CDK15: variants seen among roughly 807,000 people sequenced by gnomAD.
CDK15 encodes cyclin-dependent kinase 15.
In CDK15, 62 loss-of-function variants were observed where a neutral mutation model predicts 60.3. The observed-to-expected ratio is 1.03, with a 90% CI of 0.84 to 1.27. The LOEUF (loss-of-function observed/expected upper bound fraction) is 1.27. Among genes scored for constraint, CDK15 ranks in the 50% most tolerant of loss-of-function variants. The pLI, the probability that CDK15 is intolerant of heterozygous loss-of-function variation, is 0.00. For missense variants in CDK15, 541 were observed against 527.8 expected, an observed-to-expected ratio of 1.03 and a Z score of -0.25; for synonymous variants, 194 against 195.7, an observed-to-expected ratio of 0.99 and a Z score of 0.07.
intron 11 of CDK15, among the ~76,000 whole-genome samples, chr2:201,878,488 T>C (rs79523653): frequency 0.035 from 5,268 of 152,254 alleles, 136 homozygotes; most frequent in Non-Finnish European, 0.052. Flanking sequence ...CCTCAAGAAA[T>C]CCTTTCCTGA....
At chr2:201,810,051 C>G (rs902224516) in intron 3 of CDK15, among the ~76,000 whole-genome samples, 1 of 119,694 alleles carries the variant, frequency 8.4e-6, no homozygotes, top group East Asian at 2.4e-4. Flanking sequence ...GACACTGTCT[C>G]AAAAAAAAAA....
chr2:201,873,864 C>T (rs1314450718), intron 11 of CDK15, among the ~76,000 whole-genome samples: 2 of 152,132 alleles, frequency 1.3e-5, no homozygotes, highest in Non-Finnish European at 2.9e-5. Context: ...ACCAGCCTGG[C>T]CAACATGGCA....
chr2:201,878,925 T>G (rs548424496), intron 11 of CDK15, among the ~76,000 whole-genome samples: 97 of 152,326 alleles, frequency 6.4e-4, no homozygotes, highest in Non-Finnish European at 1.1e-3. Context: ...AATTTGAATT[T>G]TGGAGAGATA....
intron 8 of CDK15, among the ~76,000 whole-genome samples, chr2:201,839,994 GT>G (rs916019815): frequency 8.1e-5 from 11 of 136,544 alleles, no homozygotes; most frequent in African/African-American, 2.7e-4. Context: ...TTTTGTTTTT[GT>G]TTTTTTTGAG....
intron 9 of CDK15, among the ~76,000 whole-genome samples, chr2:201,851,291 CAAAA>C (rs1176883047): frequency 7.2e-5 from 2 of 27,752 alleles, no homozygotes; most frequent in African/African-American, 1.8e-4. Context: ...GACTTCATCT[CAAAA>C]AAAAAAAAAA....
At chr2:201,836,249 G>C (rs1276325927) in intron 8 of CDK15, among the ~76,000 whole-genome samples, 1 of 134,622 alleles carries the variant, frequency 7.4e-6, no homozygotes, top group Non-Finnish European at 1.5e-5. Context: ...TATTGCCCAG[G>C]CTGGAGTGCA....
At chr2:201,893,183 A>T (rs1489654018) in intron 13 of CDK15, 118 bp from the exon 14 acceptor site, 2 of 152,224 alleles carry the variant, frequency 1.3e-5, no homozygotes, top group East Asian at 3.8e-4. Context: ...TTTTATCATT[A>T]CCTTTTCTAT....
chr2:201,861,297 G>T, intron 10 of CDK15: 2 of 992,678 alleles, frequency 2.0e-6, no homozygotes, highest in Non-Finnish European at 2.4e-6. Context: ...GATCGATGCT[G>T]GGTGGAGTAG....
At chr2:201,847,251 G>A (rs1697710460) in intron 8 of CDK15, 130 bp from the exon 9 acceptor site, 1 of 837,404 alleles carries the variant, frequency 1.2e-6, no homozygotes, top group Non-Finnish European at 1.8e-6. Context: ...TTTGGCCCAA[G>A]ACTTTTAATA....
chr2:201,820,747 T>C (rs1338798965), intron 4 of CDK15, among the ~76,000 whole-genome samples: 2 of 152,192 alleles, frequency 1.3e-5, no homozygotes, highest in East Asian at 3.9e-4. Flanking sequence ...TCAATTCCCA[T>C]GTGGCCTTCA....
Position 201,812,197 on chromosome 2 carries a change from A to C in CDK15, c.369-286A>C, listed in dbSNP as rs112522409. Among the ~76,000 whole-genome samples, 1,165 of 150,830 alleles carry C rather than the reference A, an allele frequency of 7.7e-3. 10 individuals carry two copies. The highest frequency in any genetic ancestry group is 0.01 in the Middle Eastern group (3 of 288). ...TCAAAAAAAAAAAAAAAAAACAAAAAAACAAAAAAACACTACAATAAGTCA... is the reference window on the plus strand; with the variant it reads ...TCAAAAAAAAAAAAAAAAAACAAAACAACAAAAAAACACTACAATAAGTCA... On this transcript the variant is annotated intron_variant, in intron 3 of 13. Coordinates refer to ENST00000652192, the MANE Select transcript of CDK15 (RefSeq NM_001366386.2).
At chr2:201,834,654 T>A (rs777186975) in intron 7 of CDK15, among the ~76,000 whole-genome samples, 4 of 152,198 alleles carry the variant, frequency 2.6e-5, no homozygotes, top group South Asian at 2.1e-4. Context: ...GAGGGCAGCC[T>A]GGGTTTGTTT....
At chr2:201,869,924 T>C (rs1698791652) in intron 10 of CDK15, among the ~76,000 whole-genome samples, 1 of 152,258 alleles carries the variant, frequency 6.6e-6, no homozygotes, top group African/African-American at 2.4e-5. Flanking sequence ...AAATGCCAGA[T>C]ATTCTTATCT....
In CDK15 at chr2:201,895,344, G is replaced by C. The variant is rs139880722; in HGVS notation, c.*2077G>C. Reference sequence around the variant, plus strand: ...GTTATTAAAAAATTGATTTTATTAAGTGGAAGTTGACAGAATTATCCTCTT... The same window carrying C: ...GTTATTAAAAAATTGATTTTATTAACTGGAAGTTGACAGAATTATCCTCTT... On this transcript the variant is annotated 3_prime_UTR_variant, in exon 14 of 14. Transcript: ENST00000652192. 1 of 152,210 alleles carries C rather than the reference G, an allele frequency of 6.6e-6. No individual in the cohort carries two copies. The highest frequency in any genetic ancestry group is 1.5e-5 in the Non-Finnish European group (1 of 68,036). 9.4% of individuals were successfully genotyped at this position (152,210 alleles called of 1,614,324 possible).
chr2:201,820,634 T>G (rs1427622865), intron 4 of CDK15, among the ~76,000 whole-genome samples: 1 of 152,164 alleles, frequency 6.6e-6, no homozygotes, highest in African/African-American at 2.4e-5. Context: ...CAGTTCTCCT[T>G]AAGACTTTCA....
intron 10 of CDK15, among the ~76,000 whole-genome samples, chr2:201,868,602 TA>T (rs1209358613): frequency 2.0e-5 from 3 of 151,664 alleles, no homozygotes; most frequent in Admixed American, 1.3e-4. Context: ...GGGTTGCCCC[TA>T]CAGAATGCGA....
intron 6 of CDK15, among the ~76,000 whole-genome samples, chr2:201,828,489 G>A (rs1484105856): frequency 6.6e-6 from 1 of 152,180 alleles, no homozygotes; most frequent in Non-Finnish European, 1.5e-5. Context: ...AGAATTTCAA[G>A]AAGGAGGGTA....
At chr2:201,872,461 C>T (rs1698886283) in intron 11 of CDK15, 135 bp downstream of exon 11, 1 of 875,802 alleles carries the variant, frequency 1.1e-6, no homozygotes, top group African/African-American at 1.7e-5. Context: ...AGGAAGATGC[C>T]TCTGGAAGCG....
At chr2:201,872,380 A>G (rs1698882652) in intron 11 of CDK15, 54 bp downstream of exon 11, 3 of 1,572,974 alleles carry the variant, frequency 1.9e-6, no homozygotes, top group Non-Finnish European at 2.6e-6. Context: ...AGGATTGGAG[A>G]GACATTTCCC....
Sources: allele counts gnomAD v4.1 joint callset (sites outside exome capture counted in the v4.1 genomes callset), GRCh38; gene constraint gnomAD v4.1.1; transcripts MANE v1.5; gene names NCBI Gene and HGNC (gene_info 2026-07-23, HGNC 2026-07-21).